The following RANBP2 variants were observed in gnomAD, a reference collection of about 807,000 sequenced individuals.
RANBP2 encodes RAN binding protein 2.
Under a neutral mutation model 303.6 loss-of-function variants are expected in RANBP2, and 57 were observed. The ratio of observed to expected loss-of-function variants is 0.19; its 90% CI spans 0.15 to 0.23. The LOEUF (loss-of-function observed/expected upper bound fraction) is 0.23. Ranked by LOEUF, RANBP2 falls within the 10% of genes least tolerant of loss-of-function variation. RANBP2 has a pLI of 1.00. For synonymous variants in RANBP2, 1,167 were observed against 1,301.5 expected (o/e 0.90, Z 2.23); for missense variants, 3,138 against 3,780.8 (o/e 0.83, Z 4.46).
At chr2:109,490,699 C>T in the RANBP2 span, 1 of 1,533,748 alleles carries the variant, frequency 6.5e-7, no homozygotes, top group Non-Finnish European at 8.7e-7. Context: ...ACCCACGACC[C>T]CCAGGTGGCC....
chr2:109,283,745 G>A, the RANBP2 span, among the ~76,000 whole-genome samples: 1 of 152,358 alleles, frequency 6.6e-6, no homozygotes, highest in Non-Finnish European at 1.5e-5. Flanking sequence ...GAGCCACAGA[G>A]GTGCTACGTG....
At chr2:109,167,630 G>C in the RANBP2 span, among the ~76,000 whole-genome samples, 1 of 152,144 alleles carries the variant, frequency 6.6e-6, no homozygotes, top group Non-Finnish European at 1.5e-5. Context: ...GGAGTGCAGC[G>C]GCACGATCTC....
chr2:109,675,917 T>G, the RANBP2 span, among the ~76,000 whole-genome samples: 1 of 152,146 alleles, frequency 6.6e-6, no homozygotes, highest in African/African-American at 2.4e-5. Flanking sequence ...AGGTTCCACC[T>G]CGAAATGGAC....
the RANBP2 span, among the ~76,000 whole-genome samples, chr2:109,632,348 C>A: frequency 4.6e-5 from 7 of 152,284 alleles, no homozygotes; most frequent in African/African-American, 1.7e-4. Context: ...CCTGAGGACC[C>A]TCTGAGACTT....
the RANBP2 span, among the ~76,000 whole-genome samples, chr2:109,249,492 T>G: frequency 8.6e-5 from 2 of 23,342 alleles, no homozygotes; most frequent in Non-Finnish European, 1.3e-4. Flanking sequence ...TTTCTTTCTT[T>G]CTTTCTTTCT....
chr2:109,298,087 A>G, the RANBP2 span, among the ~76,000 whole-genome samples: 1 of 152,082 alleles, frequency 6.6e-6, no homozygotes, highest in Non-Finnish European at 1.5e-5. Context: ...GATCTGTCCC[A>G]CTCAAACCTG....
the RANBP2 span, chr2:109,502,538 AC>A: frequency 6.6e-6 from 1 of 152,004 alleles, no homozygotes; most frequent in African/African-American, 2.4e-5. Flanking sequence ...GCCATCCCGC[AC>A]CTCAGCGCTG....
At chr2:109,365,598 T>C in the RANBP2 span, among the ~76,000 whole-genome samples, 3 of 152,196 alleles carry the variant, frequency 2.0e-5, no homozygotes, top group Non-Finnish European at 2.9e-5. Context: ...CTGTTAGCTA[T>C]TGAATGGTGT....
At chr2:109,592,821 T>G in the RANBP2 span, among the ~76,000 whole-genome samples, 1 of 151,980 alleles carries the variant, frequency 6.6e-6, no homozygotes, top group African/African-American at 2.4e-5. Context: ...AAAAAAAAAT[T>G]TCCTTAATGT....
chr2:108,906,245 G>A, the RANBP2 span: 182 of 1,583,006 alleles, frequency 1.1e-4, no homozygotes, highest in Non-Finnish European at 1.4e-4. Context: ...TCAGGGCTCC[G>A]GGCCCAGCCC....
chr2:109,216,307 C>T, the RANBP2 span, among the ~76,000 whole-genome samples: 9 of 152,236 alleles, frequency 5.9e-5, no homozygotes, highest in African/African-American at 2.2e-4. Flanking sequence ...AAGGAAATAG[C>T]ATTCTCAGCT....
chr2:109,608,759 A>G, the RANBP2 span, among the ~76,000 whole-genome samples: 3 of 152,246 alleles, frequency 2.0e-5, no homozygotes, highest in African/African-American at 7.2e-5. Context: ...AATCAGTAGT[A>G]GATACAAATC....
chr2:108,883,947 T>C, the RANBP2 span: 3 of 34,184 alleles, frequency 8.8e-5, no homozygotes, highest in Non-Finnish European at 2.5e-4. Context: ...AGGCAGAGTC[T>C]CTCACAGGTT....
At chr2:109,091,135 C>T in the RANBP2 span, among the ~76,000 whole-genome samples, 15 of 152,010 alleles carry the variant, frequency 9.9e-5, no homozygotes, top group African/African-American at 2.9e-4. Context: ...AGAGATGAGG[C>T]GGGAGGATTG....
the RANBP2 span, among the ~76,000 whole-genome samples, chr2:109,437,587 G>T: frequency 1.3e-5 from 2 of 152,216 alleles, no homozygotes; most frequent in Non-Finnish European, 2.9e-5. Context: ...GCCCTGCAGG[G>T]CTTCCCAGCT....
the RANBP2 span, chr2:108,907,736 A>C: frequency 8.9e-7 from 1 of 1,129,422 alleles, no homozygotes; most frequent in South Asian, 1.3e-5. Flanking sequence ...CAGGTCTCCT[A>C]TCTTGGACTT....
chr2:109,150,037 G>A, the RANBP2 span, among the ~76,000 whole-genome samples: 1 of 152,172 alleles, frequency 6.6e-6, no homozygotes, highest in African/African-American at 2.4e-5. Flanking sequence ...GATGGGTCTG[G>A]GTGCAGCCTG....
the RANBP2 span, among the ~76,000 whole-genome samples, chr2:108,888,778 A>T: frequency 6.6e-6 from 1 of 150,856 alleles, no homozygotes; most frequent in African/African-American, 2.4e-5. Context: ...GAGTCTTTGT[A>T]TTTTTTTAAG....
chr2:109,284,822 TG>T, the RANBP2 span, among the ~76,000 whole-genome samples: 1 of 152,026 alleles, frequency 6.6e-6, no homozygotes, highest in South Asian at 2.1e-4. Flanking sequence ...GACATGTGTG[TG>T]GGGTGTGTGT....
Sources: gnomAD v4.1 joint callset for allele counts (sites outside exome capture counted in the v4.1 genomes callset) on GRCh38, gnomAD v4.1.1 for gene constraint, MANE v1.5 for transcripts, NCBI Gene and HGNC (gene_info 2026-07-23, HGNC 2026-07-21) for gene names.